The following PDLIM3 variants were observed in gnomAD, a reference collection of about 807,000 sequenced individuals.
PDLIM3 encodes PDZ and LIM domain 3.
PDLIM3 carries 36 observed loss-of-function variants against 37.3 expected under a neutral mutation model. The ratio of observed to expected loss-of-function variants is 0.97; its 90% CI spans 0.74 to 1.28. The LOEUF is 1.28. PDLIM3 is among the 50% of genes most tolerant of loss of function. The pLI is 0.00. For missense variants in PDLIM3, 454 were observed against 485.0 expected, an observed-to-expected ratio of 0.94 and a Z score of 0.60; for synonymous variants, 174 against 182.4, an observed-to-expected ratio of 0.95 and a Z score of 0.37.
intron 1 of PDLIM3, among the ~76,000 whole-genome samples, chr4:185,527,897 A>G (rs893807810): frequency 6.6e-6 from 1 of 152,058 alleles, no homozygotes; most frequent in Non-Finnish European, 1.5e-5. Flanking sequence ...AAAAAAATAT[A>G]TTTTTAAAAA....
At chr4:185,518,062 A>T (rs2095717539) in intron 3 of PDLIM3, among the ~76,000 whole-genome samples, 1 of 152,244 alleles carries the variant, frequency 6.6e-6, no homozygotes, top group Non-Finnish European at 1.5e-5. Flanking sequence ...TATTCTATCT[A>T]GAAAAAACCA....
intron 3 of PDLIM3, chr4:185,515,166 CT>C: frequency 4.4e-6 from 1 of 229,552 alleles, no homozygotes; most frequent in Non-Finnish European, 8.4e-6. Flanking sequence ...CTGCCCCTGA[CT>C]TCTTCATCTA....
intron 1 of PDLIM3, among the ~76,000 whole-genome samples, chr4:185,533,019 C>T (rs922168325): frequency 6.6e-6 from 1 of 152,158 alleles, no homozygotes; most frequent in African/African-American, 2.4e-5. Context: ...GGCACACAGA[C>T]CTAGCGTCAG....
intron 1 of PDLIM3, among the ~76,000 whole-genome samples, chr4:185,525,580 A>T (rs2095732404): frequency 6.6e-6 from 1 of 152,286 alleles, no homozygotes. Context: ...AGCAATCCTT[A>T]CTATTTATCA....
chr4:185,514,279 C>T lies in PDLIM3; in HGVS notation c.389G>A (p.Gly130Asp). ...TCTCAGCGCTTATGACCTGCTTCGGCCCGGGATCACGAAAGGTTTGGGCCG... is the reference window on the plus strand; with the variant it reads ...TCTCAGCGCTTATGACCTGCTTCGGTCCGGGATCACGAAAGGTTTGGGCCG... ...NIRPKPFVIP[G>D]RSSGCSTPSG... is the part of the protein sequence containing the mutation. Residue 130 changes from glycine to aspartate, a missense_variant, in exon 4 of 8, where the codon GGC becomes GAC. By Grantham distance (94) the Gly-to-Asp change is moderately conservative. Transcript: ENST00000284767. The surrounding 1 kb of genome is among the most constrained non-coding windows in gnomAD (Gnocchi z 4.0). 3.7e-6 allele frequency: 6 copies of T among 1,614,202 alleles called. No homozygotes were observed. The highest frequency in any genetic ancestry group is 1.1e-5 in the South Asian group (1 of 91,084).
At chr4:185,506,707 G>A in intron 5 of PDLIM3, 55 bp from the exon 6 acceptor site, 1 of 1,568,256 alleles carries the variant, frequency 6.4e-7, no homozygotes, top group Non-Finnish European at 8.7e-7. Flanking sequence ...CACCAGACGT[G>A]CAAGAGGCCA....
chr4:185,500,947 G>T lies in PDLIM3; in HGVS notation c.*1347C>A. On this transcript the variant is annotated 3_prime_UTR_variant, in exon 8 of 8. Coordinates refer to ENST00000284767, the MANE Select transcript of PDLIM3 (RefSeq NM_014476.6). ...TGGTAGAGATGACCATGTGACACAA[G>T]GTGGTGAGACAGAGGGTCTGAGGGT... is the stretch of plus-strand genomic sequence containing the variant. 6.6e-6 allele frequency: 1 copy of T among 152,662 alleles called. No individual in the cohort carries two copies. Among genetic ancestry groups the T allele is most frequent in the Non-Finnish European group, 1.5e-5 (1 of 68,278 alleles). 9.5% of individuals were successfully genotyped at this position (152,662 alleles called of 1,614,324 possible).
rs2095751946 is a variant in PDLIM3 at position 185,535,379 on chromosome 4, C to G, written c.56G>C (p.Gly19Ala). The G allele has an allele frequency of 6.2e-7, 1 of 1,608,446 alleles. No individual in the cohort carries two copies. The highest frequency in any genetic ancestry group is 8.5e-7 in the Non-Finnish European group (1 of 1,177,662). The change falls in exon 1 of 8, where the codon GGG becomes GCG. Residue 19 changes from glycine (G) to alanine (A), a missense_variant. Gly to Ala is a moderately conservative substitution (Grantham distance 60). Transcript: ENST00000284767. ...CAAAGGCTGGTTGAAGTCTATGCCC[C>G]CTGAGAGCCTGAAGCCCCAGGGCGC... ...GPAPWGFRLS[G>A]GIDFNQPLVI...
intron 1 of PDLIM3, among the ~76,000 whole-genome samples, chr4:185,533,211 CACTT>C (rs1468454713): frequency 6.6e-6 from 1 of 152,150 alleles, no homozygotes; most frequent in African/African-American, 2.4e-5. Flanking sequence ...TACAATAACA[CACTT>C]ACAACCTCAC....
rs1050236091 is a variant in PDLIM3 at position 185,513,174 on chromosome 4, G to C, written c.398+1096C>G. The C allele has an allele frequency of 2.3e-5, 22 of 966,220 alleles. No homozygotes were observed. In the African/African-American group the frequency reaches 3.9e-4, roughly 17 times the overall value. The allele number at this position is 966,220 out of a possible 1,614,324, so 59.9% of individuals were successfully genotyped here. On this transcript the variant is annotated intron_variant, in intron 4 of 7. Transcript: ENST00000284767. ...CTGCAGACACTGAGCTCACGTTCTAGGGGGGGGAAGATGTGTTTGCTCATG... is the reference window on the plus strand; with the variant it reads ...CTGCAGACACTGAGCTCACGTTCTACGGGGGGGAAGATGTGTTTGCTCATG...
chr4:185,530,607 G>C (rs112096905), intron 1 of PDLIM3, among the ~76,000 whole-genome samples: 5 of 152,042 alleles, frequency 3.3e-5, no homozygotes, highest in African/African-American at 1.2e-4. Flanking sequence ...CCTTATTCAC[G>C]GTTTTATTTT....
Position 185,502,389 on chromosome 4 carries a change from A to G in PDLIM3, c.1000T>C (p.Phe334Leu). The change falls in exon 8 of 8, where the codon TTC becomes CTC. Residue 334 changes from phenylalanine (F) to leucine (L), a missense_variant. By Grantham distance (22) the Phe-to-Leu change is conservative (BLOSUM62 0). Transcript: ENST00000284767. The part of the protein sequence containing the change: ...NLNLKQKGYF[F>L]IEGELYCETH... The stretch of plus-strand genomic sequence containing the variant: ...TCGCAGTACAGCTCCCCTTCTATGA[A>G]GAAGTAGCCCTTTTGCTTGAGGTTG... The G allele has an allele frequency of 6.2e-7, 1 of 1,614,214 alleles. No individual in the cohort carries two copies. The highest frequency in any genetic ancestry group is 2.2e-5 in the East Asian group (1 of 44,878).
chr4:185,503,191 T>A (rs573823587), intron 7 of PDLIM3, among the ~76,000 whole-genome samples: 1 of 152,070 alleles, frequency 6.6e-6, no homozygotes, highest in African/African-American at 2.4e-5. Flanking sequence ...GCCACTGCAC[T>A]CCAGCCTGGG....
chr4:185,514,536 C>A lies in PDLIM3; in HGVS notation c.331-199G>T. On this transcript the variant is annotated intron_variant, in intron 3 of 7. Transcript: ENST00000284767. The surrounding 1 kb of genome is among the most constrained non-coding windows in gnomAD (Gnocchi z 4.0). The stretch of plus-strand genomic sequence containing the variant: ...AACGGTCAGGCACTGGCGGATTGGA[C>A]CCCACAACAATTAGAACATGTTTTA... The A allele has an allele frequency of 7.9e-7, 1 of 1,262,162 alleles. No homozygotes were observed. The highest frequency in any genetic ancestry group is 1.1e-6 in the Non-Finnish European group (1 of 903,376). 78.2% of individuals were successfully genotyped at this position (1,262,162 alleles called of 1,614,324 possible).
Position 185,504,429 on chromosome 4 carries a change from G to A in PDLIM3, c.905+46C>T, listed in dbSNP as rs781607134. The A allele has an allele frequency of 4.1e-6, 6 of 1,474,106 alleles. No individual in the cohort carries two copies. The highest frequency in any genetic ancestry group is 3.4e-5 in the Admixed American group (2 of 59,420). 91.3% of individuals were successfully genotyped at this position (1,474,106 alleles called of 1,614,324 possible). ...AGTCTTAAAGGAGAAGAAATGAACTGTCGCCAAGCTGTATCGTAAATTCCA... is the reference window on the plus strand; with the variant it reads ...AGTCTTAAAGGAGAAGAAATGAACTATCGCCAAGCTGTATCGTAAATTCCA... On this transcript the variant is annotated intron_variant, in intron 7 of 7. Coordinates refer to ENST00000284767, the MANE Select transcript of PDLIM3 (RefSeq NM_014476.6). This position sits in a 1 kb window ranked among gnomAD's most constrained non-coding sequence, Gnocchi z 4.7.
chr4:185,519,670 T>C (rs1440370087), intron 3 of PDLIM3, among the ~76,000 whole-genome samples: 1 of 152,170 alleles, frequency 6.6e-6, no homozygotes, highest in African/African-American at 2.4e-5. Context: ...CTTAAACCTA[T>C]TCACAGGGGA....
At chr4:185,529,252 T>G (rs2153339146) in intron 1 of PDLIM3, among the ~76,000 whole-genome samples, 1 of 152,272 alleles carries the variant, frequency 6.6e-6, no homozygotes, top group South Asian at 2.1e-4. Flanking sequence ...GCCAGGGAAT[T>G]TATGCTTTCA....
intron 4 of PDLIM3, chr4:185,513,237 C>G (rs2095709480): frequency 1.0e-6 from 1 of 985,284 alleles, no homozygotes; most frequent in Admixed American, 6.2e-5. Context: ...TCCTCTGGTC[C>G]AGGGCTCCTT....
At chr4:185,528,157 A>G (rs1265434682) in intron 1 of PDLIM3, among the ~76,000 whole-genome samples, 1 of 152,244 alleles carries the variant, frequency 6.6e-6, no homozygotes, top group Non-Finnish European at 1.5e-5. Context: ...TTTCTAATAT[A>G]CCTTAATAGA....
Sources: allele counts gnomAD v4.1 joint callset (sites outside exome capture counted in the v4.1 genomes callset), GRCh38; gene constraint gnomAD v4.1.1; non-coding constraint Gnocchi (gnomAD v3.1); transcripts MANE v1.5; gene names NCBI Gene and HGNC (gene_info 2026-07-23, HGNC 2026-07-21).